The following RAB38 variants were observed in gnomAD, a reference collection of about 807,000 sequenced individuals.
RAB38 encodes RAB38, member RAS oncogene family, also known as ras-related protein Rab-38.
A neutral mutation model predicts 18.4 loss-of-function variants in RAB38; 15 were observed. The ratio of observed to expected loss-of-function variants is 0.82; its 90% CI spans 0.55 to 1.26. The LOEUF is 1.26. RAB38 is among the 50% of genes most tolerant of loss of function. The pLI, the probability that RAB38 is intolerant of heterozygous loss-of-function variation, is 0.00. For missense variants in RAB38, 294 were observed against 267.4 expected, an observed-to-expected ratio of 1.10 and a Z score of -0.69; for synonymous variants, 101 against 104.4, an observed-to-expected ratio of 0.97 and a Z score of 0.20.
At chr11:88,107,503 G>A in the RAB38 span, among the ~76,000 whole-genome samples, 2 of 151,758 alleles carry the variant, frequency 1.3e-5, no homozygotes, top group Admixed American at 6.6e-5. Flanking sequence ...TGTTTTACAT[G>A]TATTATTTCA....
chr11:88,149,985 T>A, intron 1 of RAB38, 30 bp from the exon 2 acceptor site: 2 of 1,583,696 alleles, frequency 1.3e-6, no homozygotes, highest in Middle Eastern at 3.4e-4. Context: ...AAAATAAAAA[T>A]GTATTAAAAT....
At chr11:87,872,110 A>G in the RAB38 span, among the ~76,000 whole-genome samples, 9 of 151,594 alleles carry the variant, frequency 5.9e-5, no homozygotes, top group African/African-American at 1.7e-4. Flanking sequence ...TGAGAGTTCT[A>G]TTTACCTGCT....
chr11:88,053,077 T>C, the RAB38 span, among the ~76,000 whole-genome samples: 3 of 132,890 alleles, frequency 2.3e-5, no homozygotes, highest in East Asian at 6.2e-4. Context: ...TATATACACA[T>C]ATATATGGAA....
intron 2 of RAB38, among the ~76,000 whole-genome samples, chr11:88,129,238 G>T (rs1942739646): frequency 6.6e-6 from 1 of 152,114 alleles, no homozygotes; most frequent in African/African-American, 2.4e-5. Flanking sequence ...AAGGAAAGTA[G>T]AGTTGAAACA....
In RAB38 at chr11:88,175,239, T is replaced by C. The variant is rs1943371560; in HGVS notation, c.146A>G (p.Lys49Arg). ...RATIGVDFAL[K>R]VLHWDPETVV... ...AGTCTCCGGGTCCCAGTGGAGCACC[T>C]TGAGCGCGAAGTCCACGCCGATTGT... The change falls in exon 1 of 3, where the codon AAG (lysine) becomes AGG (arginine). Residue 49 changes from lysine to arginine, a missense_variant. Coordinates refer to ENST00000243662, the MANE Select transcript of RAB38 (RefSeq NM_022337.3). 1 of 1,614,090 alleles carries C rather than the reference T, an allele frequency of 6.2e-7. No individual in the cohort carries two copies. Among genetic ancestry groups the C allele is most frequent in the Non-Finnish European group, 8.5e-7 (1 of 1,180,006 alleles).
the RAB38 span, among the ~76,000 whole-genome samples, chr11:88,074,784 C>T: frequency 1.3e-5 from 2 of 152,064 alleles, no homozygotes; most frequent in Non-Finnish European, 2.9e-5. Context: ...TTTAAGAAGA[C>T]TCAATTATAA....
At chr11:88,012,366 G>A in the RAB38 span, among the ~76,000 whole-genome samples, 1 of 152,148 alleles carries the variant, frequency 6.6e-6, no homozygotes. Context: ...ACACCACACT[G>A]GAAGGGAAGA....
intron 2 of RAB38, among the ~76,000 whole-genome samples, chr11:88,143,495 C>T (rs1942942665): frequency 6.6e-6 from 1 of 152,178 alleles, no homozygotes; most frequent in Non-Finnish European, 1.5e-5. Context: ...CAATACAGGG[C>T]AGGCCATATT....
intron 2 of RAB38, among the ~76,000 whole-genome samples, chr11:88,135,828 G>A (rs1209726995): frequency 6.6e-6 from 1 of 152,140 alleles, no homozygotes; most frequent in East Asian, 1.9e-4. Flanking sequence ...TAGTATCCTG[G>A]CATCTCAATG....
chr11:87,814,199 A>T, the RAB38 span, among the ~76,000 whole-genome samples: 1 of 152,166 alleles, frequency 6.6e-6, no homozygotes, highest in African/African-American at 2.4e-5. Context: ...ATGGTAGGTT[A>T]AGAGACTAAA....
chr11:87,843,113 G>C, the RAB38 span, among the ~76,000 whole-genome samples: 1 of 152,164 alleles, frequency 6.6e-6, no homozygotes, highest in Non-Finnish European at 1.5e-5. Flanking sequence ...GCCCTGTTGA[G>C]AAGCACTGAG....
chr11:88,170,869 G>C (rs1565223111), intron 1 of RAB38, among the ~76,000 whole-genome samples: 1 of 69,422 alleles, frequency 1.4e-5, no homozygotes, highest in Non-Finnish European at 3.9e-5. Context: ...TATAAAACTG[G>C]ATTGGGTTTT....
chr11:88,028,861 T>C, the RAB38 span, among the ~76,000 whole-genome samples: 1 of 152,026 alleles, frequency 6.6e-6, no homozygotes, highest in Non-Finnish European at 1.5e-5. Context: ...AACATTCAGA[T>C]TCAGGAAATA....
At chr11:87,959,892 G>T in the RAB38 span, among the ~76,000 whole-genome samples, 1 of 152,030 alleles carries the variant, frequency 6.6e-6, no homozygotes, top group Non-Finnish European at 1.5e-5. Flanking sequence ...AACTTACTCT[G>T]GGCTACCTTC....
chr11:87,832,639 C>T, the RAB38 span, among the ~76,000 whole-genome samples: 8 of 152,108 alleles, frequency 5.3e-5, no homozygotes, highest in African/African-American at 1.4e-4. Flanking sequence ...GGCAGCACGG[C>T]GTGCCAAATC....
chr11:87,896,728 T>C, the RAB38 span, among the ~76,000 whole-genome samples: 6 of 151,760 alleles, frequency 4.0e-5, no homozygotes, highest in East Asian at 1.2e-3. Context: ...TTGTGCAAGT[T>C]ACTAATCGTA....
intron 2 of RAB38, among the ~76,000 whole-genome samples, chr11:88,138,778 C>CTT (rs1181653181): frequency 5.0e-5 from 3 of 60,212 alleles, no homozygotes; most frequent in Admixed American, 1.8e-4. Flanking sequence ...TATTATTATT[C>CTT]TTTTTTTTTT....
At chr11:88,131,166 G>T (rs1942763168) in intron 2 of RAB38, among the ~76,000 whole-genome samples, 2 of 152,120 alleles carry the variant, frequency 1.3e-5, no homozygotes, top group South Asian at 2.1e-4. Context: ...TTATAATATG[G>T]TATTGTTCAG....
the RAB38 span, among the ~76,000 whole-genome samples, chr11:87,942,753 C>G: frequency 1.3e-5 from 2 of 152,262 alleles, no homozygotes; most frequent in African/African-American, 4.8e-5. Context: ...GATAACAGGA[C>G]GAACCCTGGG....
Sources: gnomAD v4.1 joint callset for allele counts (sites outside exome capture counted in the v4.1 genomes callset) on GRCh38, gnomAD v4.1.1 for gene constraint, MANE v1.5 for transcripts, NCBI Gene and HGNC (gene_info 2026-07-23, HGNC 2026-07-21) for gene names.